SUN1: variants seen among roughly 807,000 people sequenced by gnomAD.
SUN1 encodes the protein Sad1 and UNC84 domain containing 1.
A neutral mutation model predicts 103.2 loss-of-function variants in SUN1; 61 were observed. The observed-to-expected ratio is 0.59, with a 90% confidence interval of 0.48 to 0.73. SUN1 has a LOEUF of 0.73. Among genes scored for constraint, SUN1 ranks in the 30% least tolerant of loss-of-function variants. The pLI, the probability that SUN1 is intolerant of heterozygous loss-of-function variation, is 0.00. For missense variants in SUN1, 1,052 were observed against 1,034.6 expected, an observed-to-expected ratio of 1.02 and a Z score of -0.23; for synonymous variants, 490 against 425.7, an observed-to-expected ratio of 1.15 and a Z score of -1.86.
intron 15 of SUN1, among the ~76,000 whole-genome samples, chr7:861,889 C>T (rs1465548442): frequency 6.6e-6 from 1 of 152,234 alleles, no homozygotes; most frequent in East Asian, 1.9e-4. Flanking sequence ...GGCTGTGTTT[C>T]AGGACCTCAG....
chr7:835,835 G>A (rs537743834), intron 1 of SUN1, among the ~76,000 whole-genome samples: 2 of 152,220 alleles, frequency 1.3e-5, no homozygotes, highest in Non-Finnish European at 2.9e-5. Flanking sequence ...CGGAACCAAC[G>A]TGCTGCTGCC....
intron 5 of SUN1, 53 bp from the exon 6 acceptor site, chr7:851,331 C>T (rs1271860894): frequency 1.3e-6 from 2 of 1,495,564 alleles, no homozygotes; most frequent in Non-Finnish European, 1.8e-6. Flanking sequence ...GCTGTCACTG[C>T]AGAGGCTGGT....
chr7:872,385 T>TA, intron 17 of SUN1, 85 bp from the exon 18 acceptor site: 1 of 1,112,568 alleles, frequency 9.0e-7, no homozygotes, highest in Non-Finnish European at 1.3e-6. Flanking sequence ...CCTGTTTGCT[T>TA]AGTGCTGGCT....
In SUN1 at chr7:843,784, C is replaced by A. The variant is rs937849024; in HGVS notation, c.658+264C>A. The stretch of plus-strand genomic sequence containing the variant: ...GAGCAAAAGAAAATTTCTACGTAAG[C>A]GAAACTAATAAAACTACAGTCACTT... On this transcript the variant is annotated intron_variant, in intron 5 of 18. Coordinates refer to ENST00000401592, the MANE Select transcript of SUN1 (RefSeq NM_001130965.3). The A allele has an allele frequency of 1.5e-5, 21 of 1,419,528 alleles. No individual in the cohort carries two copies. The African/African-American group carries it at 2.7e-4, about 19-fold the overall frequency. The allele number at this position is 1,419,528 out of a possible 1,614,324, so 87.9% of individuals were successfully genotyped here.
chr7:865,936 T>C lies in SUN1; in HGVS notation c.1865-16T>C, dbSNP rs1246979933. 1.2e-6 allele frequency: 2 copies of C among 1,612,158 alleles called. No homozygotes were observed. Among genetic ancestry groups the C allele is most frequent in the Non-Finnish European group, 1.7e-6 (2 of 1,178,356 alleles). ...GTGGAACTGGACACTGAGACCGATC[T>C]GAACTTTGCTTTAAGGTGGCAGCAT... On this transcript the variant is annotated splice_polypyrimidine_tract_variant and intron_variant, in intron 15 of 18. Transcript: ENST00000401592.
rs561741711 is a variant in SUN1 at position 853,631 on chromosome 7, G to A, written c.1263+13G>A. The stretch of plus-strand genomic sequence containing the variant: ...GCCCCCGAGGGAGGTGGGTGCTGCC[G>A]GGCTACCAGGCTCCATGGTGACACC... On this transcript the variant is annotated intron_variant, in intron 10 of 18. Coordinates refer to ENST00000401592, the MANE Select transcript of SUN1 (RefSeq NM_001130965.3). 209 of 1,597,642 alleles carry A rather than the reference G, an allele frequency of 1.3e-4. 4 individuals are homozygous for A. In the South Asian group the frequency reaches 2.1e-3, roughly 16 times the overall value.
intron 5 of SUN1, 44 bp downstream of exon 5, chr7:843,564 A>C (rs1223926083): frequency 1.9e-6 from 3 of 1,613,730 alleles, no homozygotes; most frequent in Non-Finnish European, 2.5e-6. Context: ...TGTGTTTTCC[A>C]AATTTAATAT....
intron 7 of SUN1, 133 bp downstream of exon 7, chr7:852,176 G>T: frequency 1.2e-6 from 1 of 835,890 alleles, no homozygotes; most frequent in Non-Finnish European, 1.9e-6. Context: ...TTTTACAAAA[G>T]TGCTTTTATA....
At chr7:839,612 G>T (rs1807171104) in intron 2 of SUN1, among the ~76,000 whole-genome samples, 1 of 49,758 alleles carries the variant, frequency 2.0e-5, no homozygotes. Context: ...TACAGTGGTG[G>T]CGTGATCTTG....
At chr7:841,058 C>T (rs1370173190) in intron 2 of SUN1, among the ~76,000 whole-genome samples, 1 of 151,990 alleles carries the variant, frequency 6.6e-6, no homozygotes, top group Non-Finnish European at 1.5e-5. Flanking sequence ...CTCAGCCTCC[C>T]GAGTAGCTGG....
At chr7:854,048 C>G (rs1420167075) in intron 10 of SUN1, among the ~76,000 whole-genome samples, 1 of 152,324 alleles carries the variant, frequency 6.6e-6, no homozygotes, top group East Asian at 1.9e-4. Context: ...ATGCTCCCAC[C>G]CACTGCAGGG....
intron 2 of SUN1, chr7:841,684 CTT>C (rs1810112550): frequency 7.6e-6 from 3 of 394,880 alleles, no homozygotes; most frequent in Non-Finnish European, 1.4e-5. Flanking sequence ...TTTATTTTAG[CTT>C]TTAACCACTT....
intron 1 of SUN1, among the ~76,000 whole-genome samples, chr7:821,356 G>A (rs1323486299): frequency 6.6e-6 from 1 of 151,866 alleles, no homozygotes; most frequent in African/African-American, 2.4e-5. Context: ...TTTTAGTAGA[G>A]ACAAGGTTTC....
chr7:849,732 T>C (rs1474800919), intron 5 of SUN1: 1 of 1,148,092 alleles, frequency 8.7e-7, no homozygotes. Context: ...GACGACGGGC[T>C]GTTGGAGCTG....
In SUN1 at chr7:853,554, T is replaced by A; in HGVS notation, c.1199T>A (p.Met400Lys). 1 of 1,612,266 alleles carries A rather than the reference T, an allele frequency of 6.2e-7. No homozygotes were observed. Among genetic ancestry groups the A allele is most frequent in the Non-Finnish European group, 8.5e-7 (1 of 1,180,006 alleles). Residue 400 changes from methionine to lysine, a missense_variant, in exon 10 of 19, where the codon ATG becomes AAG. Around this residue, in one of 2 missense-constraint regions of SUN1, gnomAD observed 846 missense variants for 774.5 expected, o/e 1.09. Coordinates refer to ENST00000401592, the MANE Select transcript of SUN1 (RefSeq NM_001130965.3). ...LQKLQARVDQ[M>K]EGGAAGPSAS... ...AAGCTGCAGGCTCGGGTGGACCAGA[T>A]GGAAGGCGGCGCTGCCGGGCCGTCA...
Position 843,865 on chromosome 7 carries a change from G to C in SUN1, c.658+345G>C, listed in dbSNP as rs186905677. On this transcript the variant is annotated intron_variant, in intron 5 of 18. Transcript: ENST00000401592. ...GCACAGATGTTCACACATACTGAAGGAGTGGCTTTGGGACGCTGCTCTGGT... is the reference window on the plus strand; with the variant it reads ...GCACAGATGTTCACACATACTGAAGCAGTGGCTTTGGGACGCTGCTCTGGT... 797 of 1,322,674 alleles carry C rather than the reference G, an allele frequency of 6.0e-4. 6 individuals carry two copies. The African/African-American group carries it at 9.9e-3, about 16-fold the overall frequency. The allele number at this position is 1,322,674 out of a possible 1,614,324, so 81.9% of individuals were successfully genotyped here.
chr7:818,248 T>C (rs1298052635), intron 1 of SUN1, among the ~76,000 whole-genome samples: 1 of 152,226 alleles, frequency 6.6e-6, no homozygotes, highest in Admixed American at 6.5e-5. Context: ...TCTCTCTGAA[T>C]TGGGCTGTTC....
At chr7:842,397 C>T (rs887068058) in intron 3 of SUN1, 11 of 471,330 alleles carry the variant, frequency 2.3e-5, no homozygotes, top group Non-Finnish European at 3.9e-5. Flanking sequence ...GTTATGCTAA[C>T]GTGTAGTGAC....
At chr7:856,248 G>T in intron 11 of SUN1, 110 bp from the exon 12 acceptor site, 1 of 1,137,736 alleles carries the variant, frequency 8.8e-7, no homozygotes, top group East Asian at 2.5e-5. Context: ...TCTGGACTTT[G>T]AATTAAAGGG....
Sources: gnomAD v4.1 joint callset for allele counts (sites outside exome capture counted in the v4.1 genomes callset) on GRCh38, gnomAD v4.1.1 for gene constraint, gnomAD v4.1.1 regional missense constraint, MANE v1.5 for transcripts, NCBI Gene and HGNC (gene_info 2026-07-23, HGNC 2026-07-21) for gene names.